Variants in PLXNB2 observed in about 807,000 individuals in gnomAD.
The protein encoded by PLXNB2 is plexin B2, also known as plexin-B2.
In PLXNB2, 85 loss-of-function variants were observed where a neutral mutation model predicts 202.6. The ratio of observed to expected loss-of-function variants is 0.42; its 90% confidence interval spans 0.35 to 0.50. The LOEUF (loss-of-function observed/expected upper bound fraction) is 0.50, where lower values mean the gene tolerates loss of function less well. PLXNB2 is among the 20% of genes least tolerant of loss of function. PLXNB2 has a pLI of 0.02. For missense variants in PLXNB2, 2,063 were observed against 2,586.2 expected (o/e 0.80, Z 4.39); for synonymous variants, 1,239 against 1,137.6 (o/e 1.09, Z -1.79).
At position 50,289,753 on chromosome 22, in the gene PLXNB2, T is replaced by C. The variant is rs374654956; in HGVS notation, c.832A>G (p.Thr278Ala). 196 of 1,612,570 alleles carry C rather than the reference T, an allele frequency of 1.2e-4. No individual in the cohort carries two copies. The highest frequency in any genetic ancestry group is 1.6e-4 in the Non-Finnish European group (188 of 1,179,982). ...GCAGCCACGGAGGCGGCCAGGCAGG[T>C]GCCAAAGGCAGCGGCGTGGATGTCG... ...DPDIHAAAFG[T>A]CLAASVAAPG... The change falls in exon 3 of 37, where the codon ACC becomes GCC. Residue 278 changes from threonine to alanine, a missense_variant. This residue lies in a region of PLXNB2 where 1,303 missense variants were observed against 1,476.8 expected (regional missense o/e 0.88). Coordinates refer to ENST00000359337, the MANE Select transcript of PLXNB2 (RefSeq NM_012401.4). The surrounding 1 kb of genome is among the most constrained non-coding windows in gnomAD (Gnocchi z 8.0).
chr22:50,278,557 G>C, intron 29 of PLXNB2, 38 bp from the exon 30 acceptor site: 1 of 1,596,182 alleles, frequency 6.3e-7, no homozygotes, highest in Non-Finnish European at 8.5e-7. Context: ...TGTGCCCCCA[G>C]GGTGCCCAGT....
At position 50,285,906 on chromosome 22, in the gene PLXNB2, G is replaced by C; in HGVS notation, c.1987-5C>G. Reference sequence around the variant, plus strand: ...GAACTGGGGACAGCTGTCCTCCTGGGAGAGTAAGGCTGGTCAGGTGCTGCC... The same window carrying C: ...GAACTGGGGACAGCTGTCCTCCTGGCAGAGTAAGGCTGGTCAGGTGCTGCC... On this transcript the variant is annotated splice_polypyrimidine_tract_variant and splice_region_variant and intron_variant, in intron 10 of 36. Transcript: ENST00000359337. 1.2e-6 allele frequency: 2 copies of C among 1,611,010 alleles called. No individual in the cohort carries two copies. The highest frequency in any genetic ancestry group is 1.7e-6 in the Non-Finnish European group (2 of 1,178,356).
At chr22:50,282,601 C>T (rs2066083706) in intron 18 of PLXNB2, 110 bp downstream of exon 18, 2 of 815,122 alleles carry the variant, frequency 2.5e-6, no homozygotes, top group Non-Finnish European at 3.7e-6. Flanking sequence ...AGGCCGCCTC[C>T]CGCTGCACAG....
At chr22:50,281,317 G>A in intron 22 of PLXNB2, 43 bp downstream of exon 22, 1 of 1,604,954 alleles carries the variant, frequency 6.2e-7, no homozygotes, top group Non-Finnish European at 8.5e-7. Context: ...AGGCGGGAGG[G>A]CCGAGGGCTC....
chr22:50,305,869 G>A (rs1026932818), intron 1 of PLXNB2, among the ~76,000 whole-genome samples: 36 of 152,300 alleles, frequency 2.4e-4, no homozygotes, highest in African/African-American at 8.4e-4. Flanking sequence ...CTCCCCCAGA[G>A]GGGCTTGGGC....
rs1375200806 is a variant in PLXNB2 at position 50,287,631 on chromosome 22, G to A, written c.1608+36C>T. 2.0e-6 allele frequency: 3 copies of A among 1,518,394 alleles called. No individual in the cohort carries two copies. In the African/African-American group the frequency reaches 4.1e-5, roughly 21 times the overall value. 94.1% of individuals were successfully genotyped at this position (1,518,394 alleles called of 1,614,324 possible). On this transcript the variant is annotated intron_variant, in intron 7 of 36. Transcript: ENST00000359337. Reference sequence around the variant, plus strand: ...GGGGAGCCCCCACCTGGCCCGGCCTGGGGCCCAGGACCCCCACCCCAGACC... The same window carrying A: ...GGGGAGCCCCCACCTGGCCCGGCCTAGGGCCCAGGACCCCCACCCCAGACC...
At chr22:50,279,972 C>T in intron 26 of PLXNB2, 33 bp downstream of exon 26, 1 of 1,561,504 alleles carries the variant, frequency 6.4e-7, no homozygotes, top group Non-Finnish European at 8.7e-7. Flanking sequence ...TGCCTCATCC[C>T]TCAAGCCCCA....
At chr22:50,276,793 G>T in intron 34 of PLXNB2, 49 bp downstream of exon 34, 1 of 1,596,816 alleles carries the variant, frequency 6.3e-7, no homozygotes, top group Non-Finnish European at 8.6e-7. Context: ...TCCCCGCAGG[G>T]GGTCGAGGGT....
At chr22:50,296,634 A>G (rs1392848750) in intron 1 of PLXNB2, among the ~76,000 whole-genome samples, 7 of 151,520 alleles carry the variant, frequency 4.6e-5, no homozygotes. Flanking sequence ...AGAAAGAAAG[A>G]AAAGAAGGTA....
intron 2 of PLXNB2, among the ~76,000 whole-genome samples, 156 bp from the exon 3 acceptor site, chr22:50,290,753 C>T (rs1361508762): frequency 6.6e-6 from 1 of 152,230 alleles, no homozygotes; most frequent in African/African-American, 2.4e-5. Flanking sequence ...CTGCTTCACA[C>T]CCCCGCCATC....
Position 50,284,669 on chromosome 22 carries a change from C to A in PLXNB2, c.2089-4G>T, listed in dbSNP as rs755739788. On this transcript the variant is annotated splice_polypyrimidine_tract_variant and splice_region_variant and intron_variant, in intron 11 of 36. Coordinates refer to ENST00000359337, the MANE Select transcript of PLXNB2 (RefSeq NM_012401.4). This position sits in a 1 kb window ranked among gnomAD's most constrained non-coding sequence, Gnocchi z 8.0. ...TGCCCACGTGCAGGGAGGAACCCTG[C>A]AGACCATGCCGTCAGGACCCTGGAC... 7 of 1,610,692 alleles carry A rather than the reference C, an allele frequency of 4.3e-6. No individual in the cohort carries two copies. The highest frequency in any genetic ancestry group is 4.0e-5 in the African/African-American group (3 of 74,798).
rs190353943 is a variant in PLXNB2 at position 50,278,063 on chromosome 22, G to A, written c.4888-50C>T. The A allele has an allele frequency of 1.9e-3, 3,059 of 1,595,530 alleles. 52 individuals carry two copies. In the African/African-American group the frequency reaches 0.036, roughly 19 times the overall value. ...GACGCCGTGGGCGCGGCTCCTGGGG[G>A]GGAGGGTCTCAGCGTGGCGGCCTGG... On this transcript the variant is annotated intron_variant, in intron 31 of 36. Transcript: ENST00000359337.
In PLXNB2 at chr22:50,286,279, C is replaced by A; in HGVS notation, c.1771G>T (p.Ala591Ser). The A allele has an allele frequency of 1.9e-6, 3 of 1,611,990 alleles. No homozygotes were observed. Among genetic ancestry groups the A allele is most frequent in the Non-Finnish European group, 2.5e-6 (3 of 1,178,972 alleles). ...PVTPPGQDHV[A>S]VTIQLLLRRG... ...CTAAGGAGGAGCTGGATGGTCACGG[C>A]CACGTGGTCTGCAGACAGCAGAGGG... The change falls in exon 9 of 37, where the codon GCC (alanine) becomes TCC (serine). Residue 591 changes from alanine (A) to serine (S), a missense_variant. Ala to Ser is a moderately conservative substitution (Grantham distance 99, BLOSUM62 1). Around this residue, in one of 2 missense-constraint regions of PLXNB2, gnomAD observed 1,303 missense variants for 1,476.8 expected, o/e 0.88. Transcript: ENST00000359337.
Position 50,285,862 on chromosome 22 carries a change from C to G in PLXNB2, c.2026G>C (p.Val676Leu). 1 of 1,612,944 alleles carries G rather than the reference C, an allele frequency of 6.2e-7. No homozygotes were observed. The highest frequency in any genetic ancestry group is 8.5e-7 in the Non-Finnish European group (1 of 1,179,850). ...TCTGTCTCGTGGTTCATGGGGATCA[C>G]CAGGGGGCTGGGTCCCAGGAACTGG... is the stretch of plus-strand genomic sequence containing the variant. ...CPQFLGPSPL[V>L]IPMNHETDVN... Residue 676 changes from valine to leucine, a missense_variant, in exon 11 of 37, where the codon GTG becomes CTG. Physicochemically the swap from Val to Leu is conservative, Grantham distance 32. This residue lies in a region of PLXNB2 where 1,303 missense variants were observed against 1,476.8 expected (regional missense o/e 0.88). Transcript: ENST00000359337.
At position 50,288,092 on chromosome 22, in the gene PLXNB2, C is replaced by G; in HGVS notation, c.1381-55G>C. ...CAGCAGAGGCCGCACGGGCCTTCCG[C>G]AGACCCCAGATGTCCCCAGACCGCC... On this transcript the variant is annotated intron_variant, in intron 5 of 36. Transcript: ENST00000359337. The surrounding 1 kb of genome is among the most constrained non-coding windows in gnomAD (Gnocchi z 5.0). 5 of 1,370,022 alleles carry G rather than the reference C, an allele frequency of 3.6e-6. No homozygotes were observed. The highest frequency in any genetic ancestry group is 5.1e-6 in the Non-Finnish European group (5 of 987,844). The allele number at this position is 1,370,022 out of a possible 1,614,324, so 84.9% of individuals were successfully genotyped here.
At position 50,289,601 on chromosome 22, in the gene PLXNB2, G is replaced by A. The variant is rs746784728; in HGVS notation, c.984C>T (p.Asn328=). The A allele has an allele frequency of 8.7e-6, 14 of 1,610,590 alleles. No individual in the cohort carries two copies. The highest frequency in any genetic ancestry group is 1.7e-5 in the Admixed American group (1 of 60,036). The change falls in exon 3 of 37, where the codon AAC becomes AAT. Residue 328 remains asparagine (N), a synonymous_variant. Coordinates refer to ENST00000359337, the MANE Select transcript of PLXNB2 (RefSeq NM_012401.4). The surrounding 1 kb of genome is among the most constrained non-coding windows in gnomAD (Gnocchi z 8.0). ...KVHAKMEANR[N]ACYTGTREAR... is the part of the protein sequence containing the mutation. ...CCTCCCGGGTGCCTGTGTAACAGGC[G>A]TTGCGGTTGGCCTCCATCTTGGCGT... is the stretch of plus-strand genomic sequence containing the variant.
chr22:50,299,983 C>T (rs916293773), intron 1 of PLXNB2, among the ~76,000 whole-genome samples: 13 of 152,222 alleles, frequency 8.5e-5, no homozygotes, highest in African/African-American at 3.1e-4. Flanking sequence ...AGGGGCAAAG[C>T]GCGCCCGGGG....
Position 50,284,220 on chromosome 22 carries a change from G to A in PLXNB2, c.2182-7C>T, listed in dbSNP as rs1381542800. ...CGTTGGCATCGTGGGACAGCTGGGG[G>A]ACACGCAGGGGCACACTGCACTTCC... On this transcript the variant is annotated splice_polypyrimidine_tract_variant and splice_region_variant and intron_variant, in intron 12 of 36. Transcript: ENST00000359337. This position sits in a 1 kb window ranked among gnomAD's most constrained non-coding sequence, Gnocchi z 8.0. The A allele has an allele frequency of 1.2e-6, 2 of 1,612,364 alleles. No individual in the cohort carries two copies. Among genetic ancestry groups the A allele is most frequent in the African/African-American group, 1.3e-5 (1 of 75,014 alleles).
At chr22:50,295,117 A>C (rs1355193338) in intron 1 of PLXNB2, among the ~76,000 whole-genome samples, 4 of 152,054 alleles carry the variant, frequency 2.6e-5, no homozygotes, top group African/African-American at 9.7e-5. Context: ...TCAGGAGATC[A>C]AGACCATCCT....
Sources: allele counts gnomAD v4.1 joint callset (sites outside exome capture counted in the v4.1 genomes callset), GRCh38; gene constraint gnomAD v4.1.1; regional missense constraint gnomAD v4.1.1; non-coding constraint Gnocchi (gnomAD v3.1); transcripts MANE v1.5; gene names NCBI Gene and HGNC (gene_info 2026-07-23, HGNC 2026-07-21).